The following PRELID2 variants were observed in gnomAD, a reference collection of about 807,000 sequenced individuals.
The protein encoded by PRELID2 is PRELI domain containing 2, also known as PRELI domain-containing protein 2.
PRELID2 carries 25 observed loss-of-function variants against 28.4 expected under a neutral mutation model. That is an observed-to-expected ratio of 0.88 (90% CI 0.64 to 1.23). The LOEUF is 1.23. Among genes scored for constraint, PRELID2 ranks in the 50% most tolerant of loss-of-function variants. PRELID2 has a pLI of 0.00. For synonymous variants in PRELID2, 76 were observed against 71.6 expected (o/e 1.06, Z -0.31); for missense variants, 201 against 214.4 (o/e 0.94, Z 0.39).
chr5:145,738,299 T>C (rs551570267), intron 1 of PRELID2, among the ~76,000 whole-genome samples: 45 of 152,160 alleles, frequency 3.0e-4, no homozygotes, highest in Non-Finnish European at 1.5e-5. Context: ...AAAATATCAC[T>C]CATATCAAGA....
the PRELID2 span, among the ~76,000 whole-genome samples, chr5:145,308,615 A>G: frequency 2.6e-5 from 4 of 151,494 alleles, no homozygotes; most frequent in Non-Finnish European, 5.9e-5. Context: ...TTTAGAGGTT[A>G]GAGTGTATTT....
the PRELID2 span, among the ~76,000 whole-genome samples, chr5:145,373,360 TATG>T: frequency 2.5e-4 from 16 of 63,698 alleles, 4 homozygotes; most frequent in Non-Finnish European, 3.1e-4. Flanking sequence ...ATATAATATA[TATG>T]ATATTATATA....
At chr5:145,230,104 A>T in the PRELID2 span, 10 of 609,184 alleles carry the variant, frequency 1.6e-5, no homozygotes, top group African/African-American at 1.8e-4. Context: ...AGATCCCCCA[A>T]GTACAGGTGC....
chr5:145,526,813 A>T (rs956140344), intron 1 of PRELID2, among the ~76,000 whole-genome samples: 5 of 152,200 alleles, frequency 3.3e-5, no homozygotes, highest in African/African-American at 1.2e-4. Flanking sequence ...AGCAGGAAAG[A>T]TGACTTCTGT....
At chr5:145,702,140 C>G (rs1309846336) in intron 1 of PRELID2, among the ~76,000 whole-genome samples, 1 of 151,818 alleles carries the variant, frequency 6.6e-6, no homozygotes, top group African/African-American at 2.4e-5. Context: ...TAGCGTATTA[C>G]TGTAATGCTT....
chr5:145,682,248 G>A (rs1355110602), intron 1 of PRELID2, among the ~76,000 whole-genome samples: 3 of 152,138 alleles, frequency 2.0e-5, no homozygotes, highest in Non-Finnish European at 2.9e-5. Flanking sequence ...TTCAGTCCTT[G>A]GGAAGTAGAT....
chr5:145,401,264 T>G, the PRELID2 span, among the ~76,000 whole-genome samples: 1 of 151,976 alleles, frequency 6.6e-6, no homozygotes, highest in Non-Finnish European at 1.5e-5. Context: ...TAGCCCATTA[T>G]CCTTGGTAAA....
chr5:145,450,463 C>A, the PRELID2 span, among the ~76,000 whole-genome samples: 278 of 152,136 alleles, frequency 1.8e-3, 2 homozygotes, highest in Middle Eastern at 6.8e-3. Context: ...CCTGGGCAGC[C>A]GGTCAGTGAC....
the PRELID2 span, among the ~76,000 whole-genome samples, chr5:145,354,365 T>C: frequency 6.6e-6 from 1 of 152,176 alleles, no homozygotes; most frequent in Admixed American, 6.6e-5. Context: ...GTGTACGATT[T>C]TTTTATTTTC....
chr5:145,335,656 A>T, the PRELID2 span, among the ~76,000 whole-genome samples: 1 of 152,212 alleles, frequency 6.6e-6, no homozygotes, highest in African/African-American at 2.4e-5. Context: ...GACAAACATA[A>T]ATGGAAACCC....
the PRELID2 span, among the ~76,000 whole-genome samples, chr5:145,396,474 T>C: frequency 2.8e-5 from 4 of 145,040 alleles, no homozygotes; most frequent in East Asian, 8.9e-4. Context: ...ACATTTACAT[T>C]TTTCACAGAT....
chr5:145,463,643 AT>A, the PRELID2 span, among the ~76,000 whole-genome samples: 1 of 152,184 alleles, frequency 6.6e-6, no homozygotes, highest in Non-Finnish European at 1.5e-5. Context: ...CTGGTGACCC[AT>A]TCTGGGCATG....
chr5:145,776,420 C>T (rs79830702), intron 5 of PRELID2, among the ~76,000 whole-genome samples: 4,524 of 151,934 alleles, frequency 0.03, 101 homozygotes, highest in Middle Eastern at 0.051. Flanking sequence ...AGAGAAGCCA[C>T]AATGTGTTTC....
At chr5:145,800,048 C>A (rs1024686270) in intron 4 of PRELID2, among the ~76,000 whole-genome samples, 13 of 151,984 alleles carry the variant, frequency 8.6e-5, no homozygotes, top group Non-Finnish European at 1.6e-4. Context: ...GAAATGAGAG[C>A]CACGTCTCCT....
rs771725919 is a variant in PRELID2 at position 145,819,936 on chromosome 5, T to A, written c.207+9A>T. 1.3e-6 allele frequency: 2 copies of A among 1,534,060 alleles called. No homozygotes were observed. The highest frequency in any genetic ancestry group is 1.8e-6 in the Non-Finnish European group (2 of 1,113,136). ...TTACAACTGTGATTACATTTTAAAA[T>A]GAACTTACCTTCCTTAAAATTTCTG... On this transcript the variant is annotated intron_variant, in intron 3 of 6. Transcript: ENST00000683046.
chr5:145,637,132 C>T (rs1050298518), intron 1 of PRELID2, among the ~76,000 whole-genome samples: 2 of 151,920 alleles, frequency 1.3e-5, no homozygotes, highest in African/African-American at 4.8e-5. Flanking sequence ...ATATCAGAAA[C>T]TGACCATGAA....
At chr5:145,645,234 T>A (rs1291079778) in intron 1 of PRELID2, among the ~76,000 whole-genome samples, 60 of 152,184 alleles carry the variant, frequency 3.9e-4, no homozygotes, top group Non-Finnish European at 5.9e-5. Flanking sequence ...TAATTAGCTC[T>A]TCTTGTTGCA....
At chr5:145,304,427 C>A in the PRELID2 span, among the ~76,000 whole-genome samples, 1 of 152,046 alleles carries the variant, frequency 6.6e-6, no homozygotes, top group East Asian at 1.9e-4. Context: ...ATAGTTTTTT[C>A]TCCATTCATA....
intron 1 of PRELID2, among the ~76,000 whole-genome samples, chr5:145,553,131 T>A (rs2126683203): frequency 6.6e-6 from 1 of 151,778 alleles, no homozygotes; most frequent in East Asian, 1.9e-4. Context: ...AAGCTCACTT[T>A]ACAAAAAGTG....
Sources: allele counts gnomAD v4.1 joint callset (sites outside exome capture counted in the v4.1 genomes callset), GRCh38; gene constraint gnomAD v4.1.1; transcripts MANE v1.5; gene names NCBI Gene and HGNC (gene_info 2026-07-23, HGNC 2026-07-21).